Variants in KCNT2 observed in about 807,000 individuals in gnomAD.
KCNT2 encodes the protein potassium channel subfamily T member 2.
Under a neutral mutation model 153.8 loss-of-function variants are expected in KCNT2, and 67 were observed. The ratio of observed to expected loss-of-function variants is 0.44; its 90% CI spans 0.36 to 0.53. The LOEUF is 0.53. Ranked by LOEUF, KCNT2 falls within the 20% of genes least tolerant of loss-of-function variation. The probability of loss-of-function intolerance (pLI) is 0.00; values close to 1 mark genes in which losing one functional copy is unlikely to be tolerated. For synonymous variants in KCNT2, 500 were observed against 458.8 expected, an observed-to-expected ratio of 1.09 and a Z score of -1.15; for missense variants, 975 against 1,354.8, an observed-to-expected ratio of 0.72 and a Z score of 4.40.
chr1:196,293,843 A>G (rs536918931), intron 22 of KCNT2, among the ~76,000 whole-genome samples: 27 of 150,504 alleles, frequency 1.8e-4, no homozygotes, highest in African/African-American at 6.4e-4. Flanking sequence ...AACAAACTAA[A>G]AGGCTTCTGC....
intron 8 of KCNT2, among the ~76,000 whole-genome samples, chr1:196,451,213 C>G (rs1435382195): frequency 2.0e-5 from 1 of 50,770 alleles, no homozygotes; most frequent in African/African-American, 6.1e-5. Context: ...CTTAATCCCT[C>G]TTTCTTTTTT....
intron 15 of KCNT2, 69 bp from the exon 16 acceptor site, chr1:196,340,639 G>T: frequency 1.1e-6 from 1 of 912,364 alleles, no homozygotes; most frequent in South Asian, 1.9e-5. Context: ...GAAAATAAAA[G>T]CTTTAAATAA....
chr1:196,530,537 T>C (rs73069718), intron 1 of KCNT2, among the ~76,000 whole-genome samples: 8,347 of 152,046 alleles, frequency 0.055, 754 homozygotes, highest in African/African-American at 0.19. Flanking sequence ...CCATTGTGAT[T>C]TGATCCTGTT....
At chr1:196,472,717 A>C (rs1678204508) in intron 5 of KCNT2, among the ~76,000 whole-genome samples, 1 of 152,220 alleles carries the variant, frequency 6.6e-6, no homozygotes, top group South Asian at 2.1e-4. Flanking sequence ...TTTTCCTTTC[A>C]CACTATACTA....
chr1:196,407,149 A>ACACCAGATC (rs1469514839), intron 12 of KCNT2, among the ~76,000 whole-genome samples: 2 of 151,392 alleles, frequency 1.3e-5, no homozygotes, highest in African/African-American at 4.8e-5. Context: ...ACTTCCCTCA[A>ACACCAGATC]CACCAGATCC....
chr1:196,238,364 T>C (rs1014562289), intron 26 of KCNT2, among the ~76,000 whole-genome samples: 26 of 151,980 alleles, frequency 1.7e-4, no homozygotes, highest in African/African-American at 6.3e-4. Flanking sequence ...TTTATCCTAC[T>C]GAAGATATTT....
intron 21 of KCNT2, among the ~76,000 whole-genome samples, chr1:196,310,625 A>G (rs1040473402): frequency 6.6e-6 from 1 of 151,808 alleles, no homozygotes; most frequent in Non-Finnish European, 1.5e-5. Flanking sequence ...CCTTCGTAAG[A>G]TTATGACTAC....
At chr1:196,602,049 C>A (rs1269573320) in intron 1 of KCNT2, among the ~76,000 whole-genome samples, 1 of 151,866 alleles carries the variant, frequency 6.6e-6, no homozygotes, top group Non-Finnish European at 1.5e-5. Flanking sequence ...AATCCCATAT[C>A]CAATCAAGGA....
At chr1:196,571,425 A>G (rs1326863852) in intron 1 of KCNT2, among the ~76,000 whole-genome samples, 1 of 152,102 alleles carries the variant, frequency 6.6e-6, no homozygotes, top group Non-Finnish European at 1.5e-5. Context: ...TCCAACTGAA[A>G]CAGAGAGCTG....
intron 25 of KCNT2, among the ~76,000 whole-genome samples, chr1:196,273,211 T>C (rs1658231992): frequency 6.6e-6 from 1 of 151,846 alleles, no homozygotes; most frequent in South Asian, 2.1e-4. Context: ...CATTATTAAC[T>C]TTAATTAGCA....
At chr1:196,439,833 G>T (rs770110590) in intron 8 of KCNT2, among the ~76,000 whole-genome samples, 1 of 151,778 alleles carries the variant, frequency 6.6e-6, no homozygotes, top group Non-Finnish European at 1.5e-5. Flanking sequence ...GTTATTAAAA[G>T]ATATATAATA....
intron 1 of KCNT2, among the ~76,000 whole-genome samples, chr1:196,584,994 T>G (rs1367410409): frequency 6.6e-6 from 1 of 152,040 alleles, no homozygotes; most frequent in Non-Finnish European, 1.5e-5. Flanking sequence ...CACACATGTG[T>G]TCTGCTCAGA....
intron 26 of KCNT2, among the ~76,000 whole-genome samples, chr1:196,237,826 A>G (rs751815702): frequency 7.0e-4 from 106 of 151,962 alleles, no homozygotes; most frequent in Non-Finnish European, 1.3e-3. Context: ...CAATGAATAT[A>G]TATTGATGCT....
Position 196,285,670 on chromosome 1 carries a change from G to A in KCNT2, c.2684C>T (p.Thr895Ile). Residue 895 changes from threonine (T) to isoleucine (I), a missense_variant, in exon 23 of 28, where the codon ACT (threonine) becomes ATT (isoleucine). This residue lies in a region of KCNT2 where 66 missense variants were observed against 147.9 expected (regional missense o/e 0.45). Transcript: ENST00000294725. ...GRVFSISMLD[T>I]LLYQSFVKDY... is the part of the protein sequence containing the mutation. ...AATATTGTATACCTGATACAGCAGA[G>A]TGTCCAACATACTGATGCTAAACAC... 6.2e-7 allele frequency: 1 copy of A among 1,604,438 alleles called. No individual in the cohort carries two copies. The highest frequency in any genetic ancestry group is 8.5e-7 in the Non-Finnish European group (1 of 1,171,364).
intron 10 of KCNT2, among the ~76,000 whole-genome samples, chr1:196,426,296 A>G (rs1454302043): frequency 1.3e-5 from 2 of 152,044 alleles, no homozygotes; most frequent in Non-Finnish European, 2.9e-5. Flanking sequence ...TGAAGGTTTT[A>G]GTTTTATCTA....
chr1:196,559,599 C>T (rs1659119910), intron 1 of KCNT2, among the ~76,000 whole-genome samples: 1 of 151,746 alleles, frequency 6.6e-6, no homozygotes, highest in Non-Finnish European at 1.5e-5. Context: ...AAGAAAGTTT[C>T]TATTTTAGCA....
intron 1 of KCNT2, among the ~76,000 whole-genome samples, chr1:196,512,152 C>A (rs1361188739): frequency 1.3e-5 from 2 of 152,130 alleles, no homozygotes; most frequent in South Asian, 2.1e-4. Flanking sequence ...GTTTGAATCA[C>A]CTTCTTTACT....
intron 14 of KCNT2, among the ~76,000 whole-genome samples, chr1:196,356,150 A>G (rs891858141): frequency 6.6e-6 from 1 of 151,774 alleles, no homozygotes; most frequent in African/African-American, 2.4e-5. Flanking sequence ...CTGTCTCTCC[A>G]TGTTGTCATT....
At chr1:196,508,134 G>A (rs1335142910) in intron 1 of KCNT2, among the ~76,000 whole-genome samples, 1 of 116,956 alleles carries the variant, frequency 8.6e-6, no homozygotes, top group African/African-American at 3.2e-5. Context: ...CTGAACAGTA[G>A]TAAAAAAGAA....
Sources: gnomAD v4.1 joint callset for allele counts (sites outside exome capture counted in the v4.1 genomes callset) on GRCh38, gnomAD v4.1.1 for gene constraint, gnomAD v4.1.1 regional missense constraint, MANE v1.5 for transcripts, NCBI Gene and HGNC (gene_info 2026-07-23, HGNC 2026-07-21) for gene names.